PCDHGA1: variants seen among roughly 807,000 people sequenced by gnomAD.
PCDHGA1 encodes the protein protocadherin gamma-A1.
A neutral mutation model predicts 58.0 loss-of-function variants in PCDHGA1; 32 were observed. The observed-to-expected ratio is 0.55, with a 90% CI of 0.42 to 0.74. PCDHGA1 has a LOEUF of 0.74. Ranked by LOEUF, PCDHGA1 falls within the 30% of genes least tolerant of loss-of-function variation. The pLI, the probability that PCDHGA1 is intolerant of heterozygous loss-of-function variation, is 0.00. For synonymous variants in PCDHGA1, 498 were observed against 501.1 expected, an observed-to-expected ratio of 0.99 and a Z score of 0.08; for missense variants, 1,205 against 1,182.3, an observed-to-expected ratio of 1.02 and a Z score of -0.28.
Position 141,477,919 on chromosome 5 carries a change from G to A in PCDHGA1, c.2422-16888G>A. 2.5e-6 allele frequency: 4 copies of A among 1,614,162 alleles called. No individual in the cohort carries two copies. The highest frequency in any genetic ancestry group is 8.5e-7 in the Non-Finnish European group (1 of 1,180,026). The stretch of plus-strand genomic sequence containing the variant: ...TGGTAGGCTGGGACGCGGATGCAGG[G>A]CACAATGCCTGGCTCTCCTACAGTC... On this transcript the variant is annotated intron_variant, in intron 1 of 3. Transcript: ENST00000517417. The surrounding 1 kb of genome is among the most constrained non-coding windows in gnomAD (Gnocchi z 4.9).
At chr5:141,344,268 C>T (rs11575947) in intron 1 of PCDHGA1, 178,072 of 1,614,044 alleles carry the variant, frequency 0.11, 11,253 homozygotes, top group Non-Finnish European at 0.13. Context: ...CTCTCTGAAT[C>T]CGCAAAGCGG....
intron 1 of PCDHGA1, chr5:141,410,687 T>C: frequency 6.6e-7 from 1 of 1,518,632 alleles, no homozygotes; most frequent in Non-Finnish European, 8.8e-7. Flanking sequence ...TTAGGCATAC[T>C]ACTTTATTTT....
intron 1 of PCDHGA1, chr5:141,389,392 T>C (rs1258153986): frequency 1.9e-6 from 3 of 1,613,686 alleles, no homozygotes; most frequent in Non-Finnish European, 2.5e-6. Flanking sequence ...TCATCCTACG[T>C]GTCCATAAGC....
At chr5:141,418,933 G>A in intron 1 of PCDHGA1, 2 of 1,614,010 alleles carry the variant, frequency 1.2e-6, no homozygotes, top group Non-Finnish European at 1.7e-6. Flanking sequence ...AGATTATGGA[G>A]GATTCCCCTC....
chr5:141,335,648 G>A lies in PCDHGA1; in HGVS notation c.2421+2543G>A, dbSNP rs148427840. ...GATCTATTAGGATTCTAATAGATCC[G>A]TTCTGCACACAACAAATATGGAATA... is the stretch of plus-strand genomic sequence containing the variant. On this transcript the variant is annotated intron_variant, in intron 1 of 3. Coordinates refer to ENST00000517417, the MANE Select transcript of PCDHGA1 (RefSeq NM_018912.3). Among the ~76,000 whole-genome samples, 775 of 152,206 alleles carry A rather than the reference G, an allele frequency of 5.1e-3. 6 individuals carry two copies. Among genetic ancestry groups the A allele is most frequent in the African/African-American group, 0.017 (699 of 41,550 alleles).
chr5:141,375,579 C>T (rs754106042), intron 1 of PCDHGA1: 6 of 1,613,996 alleles, frequency 3.7e-6, no homozygotes, highest in African/African-American at 2.7e-5. Context: ...CTCCAGGGGG[C>T]GCCCCTGTCC....
chr5:141,405,332 T>C, intron 1 of PCDHGA1: 1 of 1,614,222 alleles, frequency 6.2e-7, no homozygotes, highest in Non-Finnish European at 8.5e-7. Flanking sequence ...TTTGTGCGTC[T>C]CTGTTGATTC....
intron 1 of PCDHGA1, among the ~76,000 whole-genome samples, chr5:141,401,078 T>A (rs2094109579): frequency 6.6e-6 from 1 of 152,226 alleles, no homozygotes; most frequent in South Asian, 2.1e-4. Flanking sequence ...GTGCAGTGGC[T>A]CATGCCTGTA....
intron 1 of PCDHGA1, chr5:141,350,273 A>C: frequency 2.0e-6 from 3 of 1,512,540 alleles, no homozygotes; most frequent in Non-Finnish European, 2.6e-6. Flanking sequence ...GCAGAGAGCC[A>C]GAGAAGCCGA....
intron 3 of PCDHGA1, 89 bp downstream of exon 3, chr5:141,505,570 C>G: frequency 6.3e-7 from 1 of 1,598,162 alleles, no homozygotes; most frequent in Admixed American, 1.7e-5. Context: ...GACTGGATGT[C>G]AAACCTGTGT....
chr5:141,418,996 TG>T (rs745777250), intron 1 of PCDHGA1: 13 of 1,613,756 alleles, frequency 8.1e-6, no homozygotes, highest in Non-Finnish European at 1.1e-5. Flanking sequence ...CAGGGGAAAA[TG>T]GGGAAGTCAG....
chr5:141,375,967 G>T, intron 1 of PCDHGA1: 2 of 1,613,372 alleles, frequency 1.2e-6, no homozygotes, highest in East Asian at 2.2e-5. Flanking sequence ...AGGTGCGCAC[G>T]GCGCGCGCCC....
At chr5:141,419,253 A>G in intron 1 of PCDHGA1, 4 of 1,613,990 alleles carry the variant, frequency 2.5e-6, no homozygotes, top group South Asian at 1.1e-5. Flanking sequence ...CCAGAAAACA[A>G]CCAGCCGGGT....
chr5:141,434,481 A>G (rs2097697198), intron 1 of PCDHGA1, among the ~76,000 whole-genome samples: 1 of 152,246 alleles, frequency 6.6e-6, no homozygotes, highest in Non-Finnish European at 1.5e-5. Context: ...GGCAAGGAAC[A>G]CCTGGCCCGC....
chr5:141,372,265 G>A, intron 1 of PCDHGA1: 1 of 1,613,132 alleles, frequency 6.2e-7, no homozygotes, highest in African/African-American at 1.3e-5. Context: ...CTGCGCACGG[G>A]TGAGGTGCGC....
chr5:141,442,153 C>T, intron 1 of PCDHGA1: 1 of 158,698 alleles, frequency 6.3e-6, no homozygotes, highest in Non-Finnish European at 1.4e-5. Flanking sequence ...CAGACCTCAG[C>T]GATCACTCTG....
intron 1 of PCDHGA1, chr5:141,346,340 T>G (rs776812616): frequency 6.2e-7 from 1 of 1,614,130 alleles, no homozygotes; most frequent in South Asian, 1.1e-5. Context: ...GCCACCTGAT[T>G]TTCCCCCAGC....
chr5:141,466,344 T>G (rs1036472951), intron 1 of PCDHGA1, among the ~76,000 whole-genome samples: 5 of 152,106 alleles, frequency 3.3e-5, no homozygotes, highest in African/African-American at 4.8e-5. Flanking sequence ...ATAATTTTTT[T>G]GCAGCTAATC....
chr5:141,376,561 A>G (rs780141155), intron 1 of PCDHGA1: 3 of 1,608,212 alleles, frequency 1.9e-6, no homozygotes, highest in South Asian at 1.1e-5. Context: ...CCGCAACCCA[A>G]CTAATCAGAC....
Sources: allele counts gnomAD v4.1 joint callset (sites outside exome capture counted in the v4.1 genomes callset), GRCh38; gene constraint gnomAD v4.1.1; non-coding constraint Gnocchi (gnomAD v3.1); transcripts MANE v1.5; gene names NCBI Gene and HGNC (gene_info 2026-07-23, HGNC 2026-07-21).